The following INPP4B variants were observed in gnomAD, a reference collection of about 807,000 sequenced individuals.
The protein encoded by INPP4B is inositol polyphosphate-4-phosphatase type II B.
Under a neutral mutation model 122.5 loss-of-function variants are expected in INPP4B, and 55 were observed. The observed-to-expected ratio is 0.45, with a 90% CI of 0.36 to 0.56. The LOEUF is 0.56. Among genes scored for constraint, INPP4B ranks in the 20% least tolerant of loss-of-function variants. The pLI is 0.00. For synonymous variants in INPP4B, 403 were observed against 388.7 expected (o/e 1.04, Z -0.43); for missense variants, 1,000 against 1,097.7 (o/e 0.91, Z 1.26).
chr4:142,460,232 T>A (rs1232055915), intron 3 of INPP4B, among the ~76,000 whole-genome samples: 1 of 152,120 alleles, frequency 6.6e-6, no homozygotes, highest in Non-Finnish European at 1.5e-5. Flanking sequence ...TTGCCCAGAG[T>A]CACACTAGAA....
At chr4:142,305,424 C>T (rs1762974863) in intron 9 of INPP4B, 34 bp downstream of exon 9, 2 of 1,501,252 alleles carry the variant, frequency 1.3e-6, no homozygotes, top group African/African-American at 1.4e-5. Flanking sequence ...TTGTTATTAA[C>T]TTTAACAGTA....
At chr4:142,564,642 T>C (rs1212249035) in intron 2 of INPP4B, among the ~76,000 whole-genome samples, 3 of 152,074 alleles carry the variant, frequency 2.0e-5, no homozygotes, top group Admixed American at 1.3e-4. Flanking sequence ...CTCTTACCCA[T>C]AAATTAAGAT....
chr4:142,456,208 T>C (rs1426919837), intron 3 of INPP4B, among the ~76,000 whole-genome samples: 1 of 152,088 alleles, frequency 6.6e-6, no homozygotes, highest in Non-Finnish European at 1.5e-5. Context: ...TGTGGGGTAC[T>C]CCTCAAGAAA....
At chr4:142,208,561 T>A in intron 13 of INPP4B, 32 bp from the exon 14 acceptor site, 1 of 1,081,768 alleles carries the variant, frequency 9.2e-7, no homozygotes, top group Non-Finnish European at 1.4e-6. Flanking sequence ...ACATTATTAG[T>A]AAATAATGAT....
chr4:142,464,233 T>A (rs1231478474), intron 2 of INPP4B, among the ~76,000 whole-genome samples: 1 of 152,162 alleles, frequency 6.6e-6, no homozygotes, highest in Non-Finnish European at 1.5e-5. Flanking sequence ...TTTTCTCTAT[T>A]TTATTATCAG....
chr4:142,451,246 G>GTTTTTTTT (rs758479962), intron 3 of INPP4B, among the ~76,000 whole-genome samples: 4 of 97,720 alleles, frequency 4.1e-5, no homozygotes, highest in Non-Finnish European at 6.1e-5. Flanking sequence ...TGTTGCTGTT[G>GTTTTTTTT]TTTTTTTTTT....
rs776828807 is a variant in INPP4B at position 142,026,817 on chromosome 4, A to T, written c.*1965T>A. On this transcript the variant is annotated 3_prime_UTR_variant, in exon 26 of 26. Transcript: ENST00000262992. ...TCCAGTTAATATTTTTCCATATTTA[A>T]GTAGTTTGTTTTCAAAAATACAAAT... 1 of 152,214 alleles carries T rather than the reference A, an allele frequency of 6.6e-6. No homozygotes were observed. Among genetic ancestry groups the T allele is most frequent in the Admixed American group, 6.5e-5 (1 of 15,272 alleles). The allele number at this position is 152,214 out of a possible 1,614,324, so 9.4% of individuals were successfully genotyped here. A position where few individuals can be genotyped will look rare whatever the true frequency, so the allele number is the denominator to read the frequency against.
intron 7 of INPP4B, among the ~76,000 whole-genome samples, chr4:142,389,817 A>G (rs924356106): frequency 1.3e-5 from 2 of 152,230 alleles, no homozygotes; most frequent in Non-Finnish European, 2.9e-5. Flanking sequence ...AAGATGTCTG[A>G]GGAGAGTGAA....
chr4:142,476,503 A>G (rs1271626971), intron 2 of INPP4B, among the ~76,000 whole-genome samples: 2 of 152,208 alleles, frequency 1.3e-5, no homozygotes, highest in Non-Finnish European at 2.9e-5. Flanking sequence ...GAATGTTCCA[A>G]TTAAAAAGCA....
chr4:142,195,453 C>A (rs188095281), intron 14 of INPP4B, among the ~76,000 whole-genome samples: 1 of 152,126 alleles, frequency 6.6e-6, no homozygotes, highest in African/African-American at 2.4e-5. Flanking sequence ...ACAGCATCAA[C>A]AACCAAAAAA....
chr4:142,706,406 A>G (rs1181799876), intron 2 of INPP4B, among the ~76,000 whole-genome samples: 2 of 152,234 alleles, frequency 1.3e-5, no homozygotes, highest in Non-Finnish European at 2.9e-5. Context: ...ATATCAATCA[A>G]TCAATCAGTC....
chr4:142,283,563 T>C (rs1752175782), intron 9 of INPP4B, among the ~76,000 whole-genome samples: 1 of 152,180 alleles, frequency 6.6e-6, no homozygotes, highest in East Asian at 1.9e-4. Flanking sequence ...CTATATGGGA[T>C]AGCCTTTTGC....
chr4:142,131,730 C>T (rs1333965494), intron 18 of INPP4B, among the ~76,000 whole-genome samples: 1 of 152,110 alleles, frequency 6.6e-6, no homozygotes, highest in Non-Finnish European at 1.5e-5. Flanking sequence ...CCAAGGCAGG[C>T]GGATCACCTG....
At chr4:142,640,655 G>C (rs1750185769) in intron 2 of INPP4B, among the ~76,000 whole-genome samples, 1 of 151,926 alleles carries the variant, frequency 6.6e-6, no homozygotes, top group East Asian at 1.9e-4. Flanking sequence ...TTCACATTAA[G>C]ACAGTAAAGA....
chr4:142,456,060 G>C (rs1352498601), intron 3 of INPP4B, among the ~76,000 whole-genome samples: 3 of 151,692 alleles, frequency 2.0e-5, no homozygotes, highest in Admixed American at 6.6e-5. Context: ...TTAACCCCTT[G>C]TCTGATGGGC....
intron 16 of INPP4B, among the ~76,000 whole-genome samples, chr4:142,160,996 AT>A: frequency 6.6e-6 from 1 of 152,040 alleles, no homozygotes. Context: ...CACCAGCCTA[AT>A]ATGTTTTAAA....
chr4:142,610,023 G>C (rs968347078), intron 2 of INPP4B, among the ~76,000 whole-genome samples: 1 of 152,094 alleles, frequency 6.6e-6, no homozygotes, highest in Non-Finnish European at 1.5e-5. Context: ...TGAGGATATA[G>C]ATTTTTTTAT....
rs534248278 is a variant in INPP4B at position 142,348,115 on chromosome 4, A to C, written c.373-33353T>G. On this transcript the variant is annotated intron_variant, in intron 7 of 25. Transcript: ENST00000262992. ...ATAAACTATAAGCTCCATCTTGCAA[A>C]TAATATGCTTCTTGTAGCTTTTGCT... Among the ~76,000 whole-genome samples, 3 of 152,184 alleles carry C rather than the reference A, an allele frequency of 2.0e-5. No homozygotes were observed. The South Asian group carries it at 6.2e-4, about 32-fold the overall frequency.
intron 15 of INPP4B, among the ~76,000 whole-genome samples, chr4:142,191,287 G>A (rs1449949206): frequency 6.6e-6 from 1 of 152,136 alleles, no homozygotes; most frequent in Non-Finnish European, 1.5e-5. Context: ...ATTTCTCAAT[G>A]CAGCAAAGCA....
Sources: gnomAD v4.1 joint callset for allele counts (sites outside exome capture counted in the v4.1 genomes callset) on GRCh38, gnomAD v4.1.1 for gene constraint, MANE v1.5 for transcripts, NCBI Gene and HGNC (gene_info 2026-07-23, HGNC 2026-07-21) for gene names.